EPHA6: variants seen among roughly 807,000 people sequenced by gnomAD.
EPHA6 encodes ephrin type-A receptor 6.
Under a neutral mutation model 112.0 loss-of-function variants are expected in EPHA6, and 50 were observed. That is an observed-to-expected ratio of 0.45 (90% confidence interval 0.36 to 0.56). The LOEUF (loss-of-function observed/expected upper bound fraction) is 0.56. Ranked by LOEUF, EPHA6 falls within the 20% of genes least tolerant of loss-of-function variation. The pLI is 0.00. For missense variants in EPHA6, 1,280 were observed against 1,417.4 expected, an observed-to-expected ratio of 0.90 and a Z score of 1.56; for synonymous variants, 529 against 490.7, an observed-to-expected ratio of 1.08 and a Z score of -1.03.
intron 2 of EPHA6, among the ~76,000 whole-genome samples, chr3:96,915,483 T>C (rs1377216867): frequency 6.6e-6 from 1 of 152,082 alleles, no homozygotes; most frequent in Non-Finnish European, 1.5e-5. Context: ...GAACACATAT[T>C]GTTTACCTAC....
At chr3:97,598,294 T>A (rs1014866433) in intron 12 of EPHA6, among the ~76,000 whole-genome samples, 6 of 151,952 alleles carry the variant, frequency 3.9e-5, no homozygotes, top group African/African-American at 1.5e-4. Flanking sequence ...CTTTAAGTTT[T>A]AGGGTACATG....
rs187097281 is a variant in EPHA6, at chr3:97,637,980, G to T, written c.2682G>T (p.Ala894=). 4 of 1,613,860 alleles carry T rather than the reference G, an allele frequency of 2.5e-6. No homozygotes were observed. The Admixed American group carries it at 6.7e-5, about 27-fold the overall frequency. ...SDMGYVHRDL[A]ARNILVNSNL... ...TGGGTTATGTTCATCGAGACCTAGC[G>T]GCTCGGAATATACTGGTCAATAGCA... The change falls in exon 14 of 18, where the codon GCG becomes GCT. Residue 894 remains alanine, a synonymous_variant. Transcript: ENST00000389672.
intron 3 of EPHA6, among the ~76,000 whole-genome samples, chr3:97,138,783 G>A (rs546559005): frequency 1.3e-5 from 2 of 152,342 alleles, no homozygotes; most frequent in Non-Finnish European, 2.9e-5. Flanking sequence ...GACTGAGAAG[G>A]GTGTGGCCTG....
intron 2 of EPHA6, among the ~76,000 whole-genome samples, chr3:96,970,467 G>A: frequency 6.6e-6 from 1 of 152,020 alleles, no homozygotes; most frequent in East Asian, 1.9e-4. Context: ...CTATGGCTAG[G>A]TTAGGAGATT....
chr3:97,179,906 G>T (rs1253453108), intron 3 of EPHA6, among the ~76,000 whole-genome samples: 1 of 152,042 alleles, frequency 6.6e-6, no homozygotes, highest in Non-Finnish European at 1.5e-5. Flanking sequence ...TACTGCATGT[G>T]TTCACTCAAG....
chr3:97,468,414 A>G (rs1240136241), intron 7 of EPHA6, among the ~76,000 whole-genome samples: 1 of 148,740 alleles, frequency 6.7e-6, no homozygotes, highest in Admixed American at 6.7e-5. Flanking sequence ...GATATTTAGG[A>G]AAAAAAATGA....
intron 14 of EPHA6, among the ~76,000 whole-genome samples, chr3:97,678,611 CTT>C (rs2031601701): frequency 6.6e-6 from 1 of 152,136 alleles, no homozygotes; most frequent in Admixed American, 6.5e-5. Context: ...TTAATTATAA[CTT>C]TATTAGCCTC....
intron 5 of EPHA6, among the ~76,000 whole-genome samples, chr3:97,353,396 T>C (rs1309961392): frequency 6.6e-6 from 1 of 151,842 alleles, no homozygotes; most frequent in Non-Finnish European, 1.5e-5. Flanking sequence ...CCTGCTGCCA[T>C]GAAGAGACAT....
intron 14 of EPHA6, among the ~76,000 whole-genome samples, chr3:97,643,630 G>A (rs2094030107): frequency 6.6e-6 from 1 of 151,430 alleles, no homozygotes; most frequent in African/African-American, 2.4e-5. Context: ...AAAAAAAGCA[G>A]GCGTTGCAAT....
chr3:97,148,886 T>C (rs927362847), intron 3 of EPHA6, among the ~76,000 whole-genome samples: 1 of 152,118 alleles, frequency 6.6e-6, no homozygotes, highest in Admixed American at 6.6e-5. Flanking sequence ...AGCATACGTT[T>C]GTTTCTTCCT....
chr3:96,852,853 T>C (rs1307032240), intron 1 of EPHA6, among the ~76,000 whole-genome samples: 1 of 152,160 alleles, frequency 6.6e-6, no homozygotes, highest in East Asian at 1.9e-4. Context: ...TAAGATATTC[T>C]TATAGTTGCT....
At chr3:96,973,590 G>C (rs537913669) in intron 2 of EPHA6, among the ~76,000 whole-genome samples, 3 of 151,878 alleles carry the variant, frequency 2.0e-5, no homozygotes, top group East Asian at 1.9e-4. Flanking sequence ...GGGAGGCTGA[G>C]GGGGGCGGAT....
At chr3:97,687,328 G>GT (rs2032326594) in intron 14 of EPHA6, among the ~76,000 whole-genome samples, 3 of 152,064 alleles carry the variant, frequency 2.0e-5, no homozygotes, top group South Asian at 2.1e-4. Flanking sequence ...TGTGTCTTCA[G>GT]TTTTTTCTAT....
Position 97,052,273 on chromosome 3 carries a change from G to T in EPHA6, c.1114+64280G>T, listed in dbSNP as rs191282208. Among the ~76,000 whole-genome samples, 6 of 152,168 alleles carry T rather than the reference G, an allele frequency of 3.9e-5. No individual in the cohort carries two copies. The East Asian group carries it at 1.2e-3, about 29-fold the overall frequency. On this transcript the variant is annotated intron_variant, in intron 3 of 17. Coordinates refer to ENST00000389672, the MANE Select transcript of EPHA6 (RefSeq NM_001080448.3). ...GTCATATGTGTTTATATTGCCTTGA[G>T]ATATCTTCCTCTAACCTCCTGTATG...
At chr3:97,370,073 G>A (rs1030440722) in intron 5 of EPHA6, among the ~76,000 whole-genome samples, 3 of 152,018 alleles carry the variant, frequency 2.0e-5, no homozygotes, top group African/African-American at 2.4e-5. Context: ...CTCTCTTCAC[G>A]TTTTTAGCCA....
At chr3:97,540,072 A>G (rs1444895839) in intron 11 of EPHA6, among the ~76,000 whole-genome samples, 1 of 152,202 alleles carries the variant, frequency 6.6e-6, no homozygotes, top group Non-Finnish European at 1.5e-5. Context: ...GGCAGCAGCA[A>G]GAGAAGAAAT....
At chr3:97,712,840 C>T (rs903217018) in intron 14 of EPHA6, among the ~76,000 whole-genome samples, 6 of 152,182 alleles carry the variant, frequency 3.9e-5, no homozygotes, top group African/African-American at 1.4e-4. Flanking sequence ...TACATTTAAA[C>T]AATGAATAAA....
Position 97,448,721 on chromosome 3 carries a change from G to A in EPHA6, c.1885G>A (p.Gly629Arg), listed in dbSNP as rs750663267. The A allele has an allele frequency of 5.6e-6, 9 of 1,613,186 alleles. No homozygotes were observed. The highest frequency in any genetic ancestry group is 2.2e-5 in the East Asian group (1 of 44,850). Reference sequence around the variant, plus strand: ...CAGTCAGAAATTTGAATTTGAAACAGGAGATGAAAGTAAGTTTCACACAAG... The same window carrying A: ...CAGTCAGAAATTTGAATTTGAAACAAGAGATGAAAGTAAGTTTCACACAAG... ...GYSQKFEFET[G>R]DETSDMAAEQ... is the part of the protein sequence containing the mutation. The change falls in exon 7 of 18, where the codon GGA becomes AGA. Residue 629 changes from glycine to arginine, a missense_variant. Gly to Arg is a moderately radical substitution (Grantham distance 125). Around this residue, in one of 4 missense-constraint regions of EPHA6, gnomAD observed 878 missense variants for 999.7 expected, o/e 0.88. Transcript: ENST00000389672.
intron 12 of EPHA6, among the ~76,000 whole-genome samples, chr3:97,603,932 C>T (rs1225322528): frequency 6.6e-6 from 1 of 151,730 alleles, no homozygotes; most frequent in Non-Finnish European, 1.5e-5. Flanking sequence ...GCTCTGCAAA[C>T]CACTTCTTAG....
Sources: allele counts gnomAD v4.1 joint callset (sites outside exome capture counted in the v4.1 genomes callset), GRCh38; gene constraint gnomAD v4.1.1; regional missense constraint gnomAD v4.1.1; transcripts MANE v1.5; gene names NCBI Gene and HGNC (gene_info 2026-07-23, HGNC 2026-07-21).